Variants in KLHL32 observed in about 807,000 individuals in gnomAD.
The protein encoded by KLHL32 is kelch-like protein 32.
Under a neutral mutation model 64.8 loss-of-function variants are expected in KLHL32, and 35 were observed. That is an observed-to-expected ratio of 0.54 (90% CI 0.41 to 0.72). The LOEUF (loss-of-function observed/expected upper bound fraction) is 0.72, where lower values mean the gene tolerates loss of function less well. Among genes scored for constraint, KLHL32 ranks in the 30% least tolerant of loss-of-function variants. The probability of loss-of-function intolerance (pLI) is 0.00; values close to 1 mark genes in which losing one functional copy is unlikely to be tolerated. For missense variants in KLHL32, 589 were observed against 768.5 expected (o/e 0.77, Z 2.76); for synonymous variants, 259 against 281.0 (o/e 0.92, Z 0.78).
At chr6:97,069,821 G>A (rs561558719) in intron 5 of KLHL32, among the ~76,000 whole-genome samples, 103 of 151,834 alleles carry the variant, frequency 6.8e-4, no homozygotes, top group Non-Finnish European at 1.1e-3. Context: ...TACTTTCTTC[G>A]GGGATTAAAT....
At chr6:97,004,619 A>T (rs1209742566) in intron 3 of KLHL32, among the ~76,000 whole-genome samples, 1 of 152,004 alleles carries the variant, frequency 6.6e-6, no homozygotes, top group African/African-American at 2.4e-5. Context: ...TTTGTTGTAG[A>T]TGGCTGTTAT....
intron 1 of KLHL32, among the ~76,000 whole-genome samples, chr6:96,963,008 A>C (rs1018952959): frequency 1.3e-5 from 2 of 152,186 alleles, no homozygotes; most frequent in African/African-American, 4.8e-5. Context: ...TACACTGTTA[A>C]ATGAAAACCA....
chr6:96,911,024 T>G, the KLHL32 span, among the ~76,000 whole-genome samples: 2 of 152,212 alleles, frequency 1.3e-5, no homozygotes, highest in African/African-American at 4.8e-5. Context: ...ATCTATATCT[T>G]AAGTATCTTT....
chr6:97,029,107 C>T (rs570885860), intron 3 of KLHL32, among the ~76,000 whole-genome samples: 1 of 152,332 alleles, frequency 6.6e-6, no homozygotes, highest in Non-Finnish European at 1.5e-5. Context: ...ATAACTTTGG[C>T]TAAGAAACAA....
intron 3 of KLHL32, among the ~76,000 whole-genome samples, chr6:96,982,961 T>A (rs1021168686): frequency 2.5e-4 from 38 of 152,370 alleles, no homozygotes; most frequent in African/African-American, 8.9e-4. Context: ...CTTGTGCCAG[T>A]TTTCAAGGGA....
chr6:97,098,938 G>A (rs1237956069), intron 6 of KLHL32, among the ~76,000 whole-genome samples: 2 of 152,182 alleles, frequency 1.3e-5, no homozygotes, highest in Non-Finnish European at 2.9e-5. Flanking sequence ...GAAAAGTAAT[G>A]CAAAGTTTAA....
In KLHL32 at chr6:97,025,969, T is replaced by C. The variant is rs142987164; in HGVS notation, c.205-15523T>C. ...TCACACCAGAGCTATAGGGAGGCCC[T>C]AGAAGAAAAAACTATTTATCTTTCT... On this transcript the variant is annotated intron_variant, in intron 3 of 10. Transcript: ENST00000369261. Among the ~76,000 whole-genome samples the C allele has an allele frequency of 1.7e-3, 251 of 151,698 alleles. 2 individuals carry two copies. Among genetic ancestry groups the C allele is most frequent in the Non-Finnish European group, 2.9e-3 (198 of 68,014 alleles).
At chr6:97,007,851 CT>C (rs1354412675) in intron 3 of KLHL32, among the ~76,000 whole-genome samples, 2 of 152,224 alleles carry the variant, frequency 1.3e-5, no homozygotes, top group Non-Finnish European at 2.9e-5. Flanking sequence ...TAGGAACCTG[CT>C]GCACTGGAGG....
At chr6:96,904,781 G>A in the KLHL32 span, among the ~76,000 whole-genome samples, 1 of 152,286 alleles carries the variant, frequency 6.6e-6, no homozygotes, top group African/African-American at 2.4e-5. Flanking sequence ...TACAGGAATA[G>A]GCAAATAAAT....
At chr6:97,107,215 T>C (rs958450250) in intron 6 of KLHL32, among the ~76,000 whole-genome samples, 5 of 151,094 alleles carry the variant, frequency 3.3e-5, no homozygotes, top group South Asian at 4.2e-4. Context: ...ATGGCGTGAA[T>C]CCAGGAGGCG....
chr6:96,914,140 T>C, the KLHL32 span, among the ~76,000 whole-genome samples: 2 of 152,144 alleles, frequency 1.3e-5, no homozygotes, highest in Admixed American at 1.3e-4. Context: ...CTCTAGAAGC[T>C]GGCAGAGAGG....
chr6:96,994,602 T>C (rs1778225420), intron 3 of KLHL32: 8 of 985,356 alleles, frequency 8.1e-6, no homozygotes, highest in Non-Finnish European at 9.6e-6. Flanking sequence ...TTTTCCTTTA[T>C]ATTGGTCTGT....
intron 5 of KLHL32, among the ~76,000 whole-genome samples, chr6:97,083,426 A>G (rs1003653242): frequency 4.0e-5 from 6 of 151,234 alleles, no homozygotes; most frequent in Middle Eastern, 6.9e-3. Flanking sequence ...GGAATAACAG[A>G]GATTCAGTGA....
chr6:96,922,775 G>C (rs545622133), upstream of KLHL32, among the ~76,000 whole-genome samples: 8 of 152,330 alleles, frequency 5.3e-5, no homozygotes, highest in African/African-American at 1.7e-4. Flanking sequence ...GCTCCTCTAG[G>C]AGTGGAGTAA....
chr6:97,105,605 C>G lies in KLHL32; in HGVS notation c.628-8178C>G, dbSNP rs116788879. The G allele has an allele frequency of 6.0e-3, 2,619 of 436,516 alleles. 68 individuals carry two copies. Among genetic ancestry groups the G allele is most frequent in the African/African-American group, 0.049 (2,398 of 48,614 alleles). 27.0% of individuals were successfully genotyped at this position (436,516 alleles called of 1,614,324 possible). A position where few individuals can be genotyped will look rare whatever the true frequency, so the allele number is the denominator to read the frequency against. The stretch of plus-strand genomic sequence containing the variant: ...TGTGCACCTTCAGCAGAGCTATCTG[C>G]AACCAGATTTTACATAGGAACATAA... On this transcript the variant is annotated intron_variant, in intron 6 of 10. Coordinates refer to ENST00000369261, the MANE Select transcript of KLHL32 (RefSeq NM_052904.4).
At chr6:96,904,411 C>T in the KLHL32 span, among the ~76,000 whole-genome samples, 2 of 148,038 alleles carry the variant, frequency 1.4e-5, no homozygotes, top group Non-Finnish European at 3.0e-5. Flanking sequence ...TGGATGATGA[C>T]CACAAAAATT....
At chr6:97,015,051 T>C (rs1216646538) in intron 3 of KLHL32, among the ~76,000 whole-genome samples, 1 of 152,144 alleles carries the variant, frequency 6.6e-6, no homozygotes, top group Non-Finnish European at 1.5e-5. Flanking sequence ...TTTCCTTCAC[T>C]CCCTTTTTCT....
intron 1 of KLHL32, among the ~76,000 whole-genome samples, chr6:96,935,504 T>C (rs1459653984): frequency 6.6e-6 from 1 of 152,178 alleles, no homozygotes; most frequent in Non-Finnish European, 1.5e-5. Flanking sequence ...AGGAGGGGTC[T>C]GGGAGAAAAG....
chr6:97,095,481 G>A (rs1794855521), intron 6 of KLHL32, among the ~76,000 whole-genome samples: 1 of 152,204 alleles, frequency 6.6e-6, no homozygotes, highest in Admixed American at 6.5e-5. Flanking sequence ...GATTCTGGGA[G>A]TTAGAATAGG....
Sources: gnomAD v4.1 joint callset for allele counts (sites outside exome capture counted in the v4.1 genomes callset) on GRCh38, gnomAD v4.1.1 for gene constraint, MANE v1.5 for transcripts, NCBI Gene and HGNC (gene_info 2026-07-23, HGNC 2026-07-21) for gene names.